ANKS1B: variants seen among roughly 807,000 people sequenced by gnomAD.
ANKS1B encodes the protein ankyrin repeat and sterile alpha motif domain-containing protein 1B.
ANKS1B carries 36 observed loss-of-function variants against 148.3 expected under a neutral mutation model. That is an observed-to-expected ratio of 0.24 (90% CI 0.19 to 0.32). ANKS1B has a LOEUF of 0.32. ANKS1B is among the 10% of genes least tolerant of loss of function. ANKS1B has a pLI of 1.00. For missense variants in ANKS1B, 1,157 were observed against 1,542.6 expected, an observed-to-expected ratio of 0.75 and a Z score of 4.19; for synonymous variants, 542 against 560.8, an observed-to-expected ratio of 0.97 and a Z score of 0.47.
chr12:99,142,025 A>G (rs1251588657), intron 15 of ANKS1B, among the ~76,000 whole-genome samples: 1 of 152,030 alleles, frequency 6.6e-6, no homozygotes, highest in Non-Finnish European at 1.5e-5. Flanking sequence ...TAGAATATAT[A>G]GGAGGTAGAA....
chr12:99,133,903 A>G (rs1201560245), intron 15 of ANKS1B, among the ~76,000 whole-genome samples: 1 of 152,198 alleles, frequency 6.6e-6, no homozygotes, highest in East Asian at 1.9e-4. Context: ...ACTCAACCCA[A>G]TGGAATTAGC....
At chr12:99,718,878 C>A (rs570793319) in intron 8 of ANKS1B, among the ~76,000 whole-genome samples, 1 of 152,316 alleles carries the variant, frequency 6.6e-6, no homozygotes, top group Admixed American at 6.5e-5. Context: ...TCACAGACAG[C>A]CCCCATTACT....
At chr12:99,135,832 A>G (rs984766971) in intron 15 of ANKS1B, among the ~76,000 whole-genome samples, 3 of 152,188 alleles carry the variant, frequency 2.0e-5, no homozygotes, top group Non-Finnish European at 4.4e-5. Context: ...GAGGACTGCA[A>G]TGAAGAGAGT....
chr12:99,682,505 T>C (rs543125143), intron 8 of ANKS1B, among the ~76,000 whole-genome samples: 9 of 152,300 alleles, frequency 5.9e-5, no homozygotes, highest in Middle Eastern at 3.4e-3. Flanking sequence ...TCCTGAATAA[T>C]CATTGGGTCA....
intron 12 of ANKS1B, among the ~76,000 whole-genome samples, chr12:99,315,329 C>T (rs560611150): frequency 6.6e-6 from 1 of 151,256 alleles, no homozygotes; most frequent in Admixed American, 6.6e-5. Flanking sequence ...TAACAAAGGT[C>T]TAATATGCAA....
chr12:99,078,857 T>C lies in ANKS1B; in HGVS notation c.2625+6068A>G, dbSNP rs906986146. ...TGACTTGATTGTAATGAATAGAAAA[T>C]GGCAAAAAGATGGGATGTCACTTGT... On this transcript the variant is annotated intron_variant, in intron 16 of 26. Coordinates refer to ENST00000683438, the MANE Select transcript of ANKS1B (RefSeq NM_001352186.2). 8.3e-5 allele frequency among the ~76,000 whole-genome samples: 12 copies of C among 145,082 alleles called. No individual in the cohort carries two copies. In the East Asian group the frequency reaches 2.6e-3, roughly 31 times the overall value.
intron 14 of ANKS1B, among the ~76,000 whole-genome samples, chr12:99,194,176 AT>A (rs1566602448): frequency 6.6e-6 from 1 of 152,242 alleles, no homozygotes; most frequent in East Asian, 1.9e-4. Flanking sequence ...ATTCATGGGA[AT>A]TTTTTTATTT....
intron 8 of ANKS1B, among the ~76,000 whole-genome samples, chr12:99,669,100 C>G (rs956981084): frequency 1.4e-4 from 22 of 152,208 alleles, no homozygotes; most frequent in Non-Finnish European, 2.5e-4. Context: ...TCTATCAAAT[C>G]TGTAATTCCA....
intron 8 of ANKS1B, among the ~76,000 whole-genome samples, chr12:99,758,092 C>G (rs7398639): frequency 6.6e-6 from 1 of 151,084 alleles, no homozygotes; most frequent in Non-Finnish European, 1.5e-5. Context: ...TTAAAATAGA[C>G]GTAAAAAAAG....
At chr12:99,746,228 G>A (rs553463361) in intron 8 of ANKS1B, among the ~76,000 whole-genome samples, 1 of 152,268 alleles carries the variant, frequency 6.6e-6, no homozygotes, top group East Asian at 1.9e-4. Context: ...CACACTGTTA[G>A]GTGGCTTCAT....
chr12:99,348,409 C>T (rs765565013), intron 12 of ANKS1B, among the ~76,000 whole-genome samples: 7 of 151,438 alleles, frequency 4.6e-5, no homozygotes, highest in Non-Finnish European at 8.8e-5. Context: ...TAGCTACTTC[C>T]CCAAATGCAA....
At chr12:98,767,964 C>T (rs1227510032) in intron 25 of ANKS1B, among the ~76,000 whole-genome samples, 2 of 152,184 alleles carry the variant, frequency 1.3e-5, no homozygotes, top group Non-Finnish European at 2.9e-5. Context: ...CATTTAAGAG[C>T]AGAGGAGAGA....
chr12:99,752,589 C>T (rs6538935), intron 8 of ANKS1B, among the ~76,000 whole-genome samples: 66,369 of 151,712 alleles, frequency 0.44, 14,913 homozygotes, highest in South Asian at 0.61. Context: ...TTTAAATATA[C>T]AAAATATCAT....
intron 26 of ANKS1B, among the ~76,000 whole-genome samples, chr12:98,747,173 C>G (rs180921538): frequency 2.4e-4 from 37 of 152,216 alleles, no homozygotes; most frequent in Admixed American, 2.1e-3. Flanking sequence ...ATCCATCTGA[C>G]AAGGGATTAA....
intron 15 of ANKS1B, among the ~76,000 whole-genome samples, chr12:99,086,292 A>G (rs2051765836): frequency 6.6e-6 from 1 of 152,180 alleles, no homozygotes; most frequent in East Asian, 1.9e-4. Context: ...TAAAAGAGGA[A>G]GGACAATGGG....
intron 12 of ANKS1B, among the ~76,000 whole-genome samples, chr12:99,391,245 G>C (rs985960077): frequency 2.6e-5 from 4 of 152,162 alleles, no homozygotes; most frequent in African/African-American, 9.7e-5. Flanking sequence ...ATGCAAATCA[G>C]ATCATCTCTC....
chr12:99,703,649 GGA>G (rs1216637478), intron 8 of ANKS1B, among the ~76,000 whole-genome samples: 1 of 151,900 alleles, frequency 6.6e-6, no homozygotes, highest in Non-Finnish European at 1.5e-5. Context: ...TCCTCCCCTG[GGA>G]GAGTTAGTCA....
intron 14 of ANKS1B, among the ~76,000 whole-genome samples, chr12:99,198,924 C>T (rs769930360): frequency 2.6e-5 from 4 of 152,150 alleles, no homozygotes; most frequent in South Asian, 2.1e-4. Flanking sequence ...GCTGGTTCCA[C>T]CTTACTTTTT....
intron 9 of ANKS1B, among the ~76,000 whole-genome samples, chr12:99,527,551 G>C (rs1026316064): frequency 2.6e-5 from 4 of 152,150 alleles, no homozygotes; most frequent in African/African-American, 9.7e-5. Flanking sequence ...GGTAGCCATG[G>C]AGAGTTATAT....
Sources: gnomAD v4.1 joint callset for allele counts (sites outside exome capture counted in the v4.1 genomes callset) on GRCh38, gnomAD v4.1.1 for gene constraint, MANE v1.5 for transcripts, NCBI Gene and HGNC (gene_info 2026-07-23, HGNC 2026-07-21) for gene names.